The following GALNT12 variants were observed in gnomAD, a reference collection of about 807,000 sequenced individuals.
The protein encoded by GALNT12 is polypeptide N-acetylgalactosaminyltransferase 12, also known as UDP-GalNAc:polypeptide N-acetylgalactosaminyltransferase 12.
In GALNT12, 45 loss-of-function variants were observed where a neutral mutation model predicts 55.5. The observed-to-expected ratio is 0.81, with a 90% CI of 0.64 to 1.04. The LOEUF is 1.04. Among genes scored for constraint, GALNT12 ranks in the 50% least tolerant of loss-of-function variants. The pLI is 0.00. For synonymous variants in GALNT12, 304 were observed against 312.2 expected, an observed-to-expected ratio of 0.97 and a Z score of 0.28; for missense variants, 709 against 754.8, an observed-to-expected ratio of 0.94 and a Z score of 0.71.
In GALNT12 at chr9:98,844,379, AT is replaced by A. The variant is rs966358781; in HGVS notation, c.1458+176del. 8 of 625,818 alleles carry A rather than the reference AT, an allele frequency of 1.3e-5. No homozygotes were observed. In the African/African-American group the frequency reaches 1.5e-4, roughly 12 times the overall value. 38.8% of individuals were successfully genotyped at this position (625,818 alleles called of 1,614,324 possible). ...AATTAAAATGTGTTTTCTTCCCATC[AT>A]TTTTTACACATAACACACAGAGATT... On this transcript the variant is annotated intron_variant, in intron 8 of 9. Transcript: ENST00000375011.
intron 1 of GALNT12, among the ~76,000 whole-genome samples, chr9:98,809,396 C>T (rs1835445201): frequency 6.6e-6 from 1 of 152,180 alleles, no homozygotes; most frequent in African/African-American, 2.4e-5. Flanking sequence ...CTCGAAACCC[C>T]GAGGGTGCCC....
At chr9:98,837,217 C>T in intron 6 of GALNT12, 69 bp downstream of exon 6, 1 of 1,441,846 alleles carries the variant, frequency 6.9e-7, no homozygotes, top group South Asian at 1.1e-5. Context: ...CGTGGCTTCC[C>T]CAACATAGTC....
At chr9:98,808,202 A>G (rs1588436521) in intron 1 of GALNT12, 133 bp downstream of exon 1, 2 of 665,452 alleles carry the variant, frequency 3.0e-6, no homozygotes, top group East Asian at 3.1e-5. Context: ...TCCGAAGACG[A>G]TAGTGTAAGA....
chr9:98,814,095 C>T (rs1440016346), intron 1 of GALNT12, among the ~76,000 whole-genome samples: 2 of 152,134 alleles, frequency 1.3e-5, no homozygotes, highest in East Asian at 3.9e-4. Context: ...CAATTGATGT[C>T]ATCACGAAAT....
At chr9:98,845,519 T>A (rs1355908153) in intron 8 of GALNT12, among the ~76,000 whole-genome samples, 4 of 152,146 alleles carry the variant, frequency 2.6e-5, no homozygotes, top group Non-Finnish European at 5.9e-5. Context: ...GCGGTCACAT[T>A]GTCTGCTTGT....
At chr9:98,835,983 G>T (rs763031915) in intron 5 of GALNT12, among the ~76,000 whole-genome samples, 5 of 152,150 alleles carry the variant, frequency 3.3e-5, no homozygotes, top group Non-Finnish European at 7.4e-5. Flanking sequence ...TGATCCACCC[G>T]CCTTGGCCTC....
intron 1 of GALNT12, among the ~76,000 whole-genome samples, chr9:98,820,887 C>A (rs1247960868): frequency 2.6e-5 from 4 of 152,278 alleles, no homozygotes; most frequent in Admixed American, 6.5e-5. Context: ...ATACTGTAGA[C>A]TGGAGCACAA....
chr9:98,829,546 G>A (rs1410475784), intron 3 of GALNT12, among the ~76,000 whole-genome samples: 1 of 150,722 alleles, frequency 6.6e-6, no homozygotes, highest in Admixed American at 6.6e-5. Flanking sequence ...TCACTCTGTT[G>A]TGCTAGCAAC....
Position 98,849,771 on chromosome 9 carries a change from ACTT to A in GALNT12, c.*682_*684del, listed in dbSNP as rs1836508363. 1 of 395,386 alleles carries A rather than the reference ACTT, an allele frequency of 2.5e-6. No individual in the cohort carries two copies. Among genetic ancestry groups the A allele is most frequent in the Admixed American group, 4.4e-5 (1 of 22,966 alleles). The allele number at this position is 395,386 out of a possible 1,614,324, so 24.5% of individuals were successfully genotyped here. ...CTAAGCTGAGTCAACTTGAGAGCGA[ACTT>A]CTAACAATGCCGCACTGTAGTGTGG... is the stretch of plus-strand genomic sequence containing the variant. On this transcript the variant is annotated 3_prime_UTR_variant, in exon 10 of 10. Transcript: ENST00000375011.
At chr9:98,817,400 A>G (rs1835636737) in intron 1 of GALNT12, among the ~76,000 whole-genome samples, 1 of 150,404 alleles carries the variant, frequency 6.6e-6, no homozygotes, top group African/African-American at 2.4e-5. Flanking sequence ...ACACACACAT[A>G]TGTTTTCCAT....
At chr9:98,841,890 C>G (rs1381954578) in intron 7 of GALNT12, among the ~76,000 whole-genome samples, 1 of 151,612 alleles carries the variant, frequency 6.6e-6, no homozygotes, top group African/African-American at 2.4e-5. Context: ...GTTGGCCAGG[C>G]TGGTCTTGAA....
At chr9:98,835,193 T>C in intron 4 of GALNT12, 56 bp from the exon 5 acceptor site, 1 of 1,195,002 alleles carries the variant, frequency 8.4e-7, no homozygotes, top group Non-Finnish European at 1.3e-6. Context: ...GGTAGTTGGA[T>C]AACTGTGATG....
chr9:98,831,662 T>C, intron 3 of GALNT12, 110 bp from the exon 4 acceptor site: 1 of 1,218,342 alleles, frequency 8.2e-7, no homozygotes, highest in Non-Finnish European at 1.2e-6. Context: ...TTCTCAGATG[T>C]TCCTCCCTCT....
At chr9:98,809,568 G>A (rs534299917) in intron 1 of GALNT12, among the ~76,000 whole-genome samples, 56 of 152,278 alleles carry the variant, frequency 3.7e-4, no homozygotes, top group African/African-American at 1.2e-3. Flanking sequence ...TGCGAAATAG[G>A]AAACTCATAA....
chr9:98,831,366 A>T (rs1235417832), intron 3 of GALNT12, among the ~76,000 whole-genome samples: 1 of 152,240 alleles, frequency 6.6e-6, no homozygotes, highest in African/African-American at 2.4e-5. Flanking sequence ...ATTAGAATTT[A>T]TATTCTAATT....
intron 7 of GALNT12, 95 bp downstream of exon 7, chr9:98,840,228 A>G: frequency 6.7e-7 from 1 of 1,502,630 alleles, no homozygotes; most frequent in Non-Finnish European, 9.2e-7. Flanking sequence ...CGTCATGGGG[A>G]GCACTGGCTT....
At chr9:98,812,927 A>T (rs955159804) in intron 1 of GALNT12, among the ~76,000 whole-genome samples, 2 of 152,248 alleles carry the variant, frequency 1.3e-5, no homozygotes, top group Non-Finnish European at 2.9e-5. Context: ...AGTATTGATC[A>T]TCTTCTCTCC....
chr9:98,845,293 G>A (rs1005736618), intron 8 of GALNT12, among the ~76,000 whole-genome samples: 3 of 152,088 alleles, frequency 2.0e-5, no homozygotes, highest in Non-Finnish European at 2.9e-5. Context: ...ACACCCACCT[G>A]TGTCAGAATT....
In GALNT12 at chr9:98,836,986, TG is replaced by T. The variant is rs1836168341; in HGVS notation, c.1054del (p.Val352PhefsTer59). The T allele has an allele frequency of 2.5e-6, 4 of 1,613,952 alleles. No homozygotes were observed. Among genetic ancestry groups the T allele is most frequent in the Non-Finnish European group, 3.4e-6 (4 of 1,180,018 alleles). ...TCTGTGTGCAGATCTGGCAGTGTGG[TG>T]GGGTTCTGGAAACACACCCATGTTC... is the stretch of plus-strand genomic sequence containing the variant. ...EFSFRIWQCGGVLETHPCSHV... is the reference protein window; with the variant it reads ...EFSFRIWQCGXVLETHPCSHV... On this transcript the variant is annotated frameshift_variant, in exon 6 of 10. Coordinates refer to ENST00000375011, the MANE Select transcript of GALNT12 (RefSeq NM_024642.5). LOFTEE classifies it high-confidence loss of function.
Sources: gnomAD v4.1 joint callset for allele counts (sites outside exome capture counted in the v4.1 genomes callset) on GRCh38, gnomAD v4.1.1 for gene constraint, MANE v1.5 for transcripts, NCBI Gene and HGNC (gene_info 2026-07-23, HGNC 2026-07-21) for gene names.